KIRREL3: variants seen among roughly 807,000 people sequenced by gnomAD.
KIRREL3 encodes kin of IRRE-like protein 3.
Under a neutral mutation model 89.7 loss-of-function variants are expected in KIRREL3, and 36 were observed. The ratio of observed to expected loss-of-function variants is 0.40; its 90% CI spans 0.31 to 0.53. The LOEUF (loss-of-function observed/expected upper bound fraction) is 0.53. Among genes scored for constraint, KIRREL3 ranks in the 20% least tolerant of loss-of-function variants. The pLI is 0.49. For missense variants in KIRREL3, 864 were observed against 1,056.6 expected, an observed-to-expected ratio of 0.82 and a Z score of 2.53; for synonymous variants, 445 against 441.4, an observed-to-expected ratio of 1.01 and a Z score of -0.10.
At position 126,987,669 on chromosome 11, in the gene KIRREL3, G is replaced by A. The variant is rs56323646; in HGVS notation, c.55+12786C>T. Among the ~76,000 whole-genome samples, 2,391 of 152,240 alleles carry A rather than the reference G, an allele frequency of 0.016. 64 individuals carry two copies. Among genetic ancestry groups the A allele is most frequent in the African/African-American group, 0.055 (2,289 of 41,520 alleles). ...GCTGCCAAGGCTCTGTTGATATGAC[G>A]GCATGTCCCACTGAAGTAAAAAGAA... On this transcript the variant is annotated intron_variant, in intron 1 of 16. Coordinates refer to ENST00000525144, the MANE Select transcript of KIRREL3 (RefSeq NM_032531.4). The surrounding 1 kb of genome is among the most constrained non-coding windows in gnomAD (Gnocchi z 4.6).
In KIRREL3 at chr11:126,969,239, C is replaced by A. The variant is rs978954541; in HGVS notation, c.55+31216G>T. 1.3e-5 allele frequency among the ~76,000 whole-genome samples: 2 copies of A among 152,094 alleles called. No homozygotes were observed. The highest frequency in any genetic ancestry group is 4.8e-5 in the African/African-American group (2 of 41,416). ...GGGCGATTCACTCCATTTACTGACA[C>A]AATAGACATGGAGTGCCTCCCATGG... On this transcript the variant is annotated intron_variant, in intron 1 of 16. Transcript: ENST00000525144. The surrounding 1 kb of genome is among the most constrained non-coding windows in gnomAD (Gnocchi z 4.9).
At chr11:126,481,469 C>T (rs1301174352) in intron 4 of KIRREL3, among the ~76,000 whole-genome samples, 4 of 152,210 alleles carry the variant, frequency 2.6e-5, no homozygotes, top group Admixed American at 1.3e-4. Flanking sequence ...CAACTGTCCA[C>T]GGGCCTTCGA....
intron 1 of KIRREL3, among the ~76,000 whole-genome samples, chr11:126,667,331 T>A (rs191918858): frequency 9.8e-5 from 15 of 152,342 alleles, no homozygotes; most frequent in Admixed American, 9.8e-4. Context: ...ACATTTCTGA[T>A]CAAAACTGCT....
intron 1 of KIRREL3, among the ~76,000 whole-genome samples, chr11:126,813,653 A>G (rs1416533443): frequency 6.6e-6 from 1 of 152,138 alleles, no homozygotes; most frequent in African/African-American, 2.4e-5. Flanking sequence ...AGCACAGATA[A>G]TTGGTATTGA....
intron 1 of KIRREL3, among the ~76,000 whole-genome samples, chr11:126,603,663 G>C (rs1463246328): frequency 6.6e-6 from 1 of 152,268 alleles, no homozygotes; most frequent in Admixed American, 6.5e-5. Context: ...TGCTGCATCT[G>C]CTCTCTGGCA....
At position 126,620,855 on chromosome 11, in the gene KIRREL3, C is replaced by T. The variant is rs188739778; in HGVS notation, c.56-57943G>A. 6.6e-6 allele frequency among the ~76,000 whole-genome samples: 1 copy of T among 152,256 alleles called. No homozygotes were observed. Among genetic ancestry groups the T allele is most frequent in the African/African-American group, 2.4e-5 (1 of 41,536 alleles). ...CAGCAACTAGTGAGGAAGGCCGTAC[C>T]CCACTTGCTGGATGAGAACATACTG... On this transcript the variant is annotated intron_variant, in intron 1 of 16. Coordinates refer to ENST00000525144, the MANE Select transcript of KIRREL3 (RefSeq NM_032531.4). This position sits in a 1 kb window ranked among gnomAD's most constrained non-coding sequence, Gnocchi z 4.8.
At position 126,747,026 on chromosome 11, in the gene KIRREL3, G is replaced by T. The variant is rs1181825816; in HGVS notation, c.56-184114C>A. Among the ~76,000 whole-genome samples, 2 of 152,196 alleles carry T rather than the reference G, an allele frequency of 1.3e-5. No individual in the cohort carries two copies. The highest frequency in any genetic ancestry group is 2.9e-5 in the Non-Finnish European group (2 of 68,036). On this transcript the variant is annotated intron_variant, in intron 1 of 16. Coordinates refer to ENST00000525144, the MANE Select transcript of KIRREL3 (RefSeq NM_032531.4). This position sits in a 1 kb window ranked among gnomAD's most constrained non-coding sequence, Gnocchi z 4.7. ...AGGGTATATTCTGAAGCATAGACAT[G>T]CTTCTGCCATCTTGGCTTAAAAACC...
chr11:126,762,566 C>G (rs1426919536), intron 1 of KIRREL3, among the ~76,000 whole-genome samples: 2 of 152,196 alleles, frequency 1.3e-5, no homozygotes, highest in Non-Finnish European at 2.9e-5. Context: ...GAAGCCTTTC[C>G]CATCTGTTTC....
rs1815324186 is a variant in KIRREL3 at position 126,710,801 on chromosome 11, C to T, written c.56-147889G>A. 6.6e-6 allele frequency among the ~76,000 whole-genome samples: 1 copy of T among 152,350 alleles called. No homozygotes were observed. Among genetic ancestry groups the T allele is most frequent in the East Asian group, 1.9e-4 (1 of 5,186 alleles). On this transcript the variant is annotated intron_variant, in intron 1 of 16. Coordinates refer to ENST00000525144, the MANE Select transcript of KIRREL3 (RefSeq NM_032531.4). The surrounding 1 kb of genome is among the most constrained non-coding windows in gnomAD (Gnocchi z 4.2). ...CTGATTATTAAGAACAGATCTACTA[C>T]AGTTTGACAACTGCCACAAACACAA...
rs1256311710 is a variant in KIRREL3, at chr11:126,748,894, A to T, written c.56-185982T>A. ...TATTTACCAAGCAATTTGCAAGACC[A>T]AGTAATTCCTTCTCAGTTCATTGCC... is the stretch of plus-strand genomic sequence containing the variant. On this transcript the variant is annotated intron_variant, in intron 1 of 16. Transcript: ENST00000525144. The surrounding 1 kb of genome is among the most constrained non-coding windows in gnomAD (Gnocchi z 4.6). Among the ~76,000 whole-genome samples the T allele has an allele frequency of 3.9e-5, 6 of 152,174 alleles. No individual in the cohort carries two copies. The highest frequency in any genetic ancestry group is 1.4e-4 in the African/African-American group (6 of 41,430).
chr11:126,700,877 A>G (rs1947289540), intron 1 of KIRREL3, among the ~76,000 whole-genome samples: 1 of 152,218 alleles, frequency 6.6e-6, no homozygotes, highest in Admixed American at 6.5e-5. Context: ...TAATGAGCTC[A>G]GTTCCTTTAA....
rs546884222 is a variant in KIRREL3 at position 126,431,570 on chromosome 11, G to A, written c.1589-44C>T. 33 of 1,568,596 alleles carry A rather than the reference G, an allele frequency of 2.1e-5. No homozygotes were observed. The East Asian group carries it at 6.5e-4, about 31-fold the overall frequency. ...CACAGCTGATGACGGATGGGGAATG[G>A]CCTACTATCCCCCCATGATCTCACC... On this transcript the variant is annotated intron_variant, in intron 13 of 16. Transcript: ENST00000525144. This position sits in a 1 kb window ranked among gnomAD's most constrained non-coding sequence, Gnocchi z 7.1.
chr11:126,671,799 C>A (rs548342184), intron 1 of KIRREL3, among the ~76,000 whole-genome samples: 1 of 152,190 alleles, frequency 6.6e-6, no homozygotes, highest in African/African-American at 2.4e-5. Context: ...TATGGAGCAA[C>A]AGGAGCTCTC....
chr11:126,923,183 TCTTC>T (rs1947463729), intron 1 of KIRREL3, among the ~76,000 whole-genome samples: 1 of 28,558 alleles, frequency 3.5e-5, no homozygotes, highest in Non-Finnish European at 7.3e-5. Flanking sequence ...CTTCTCTTCT[TCTTC>T]TCTTCTTCTT....
intron 1 of KIRREL3, among the ~76,000 whole-genome samples, chr11:126,980,735 A>G (rs189081876): frequency 3.3e-4 from 50 of 152,330 alleles, no homozygotes; most frequent in Admixed American, 2.4e-3. Flanking sequence ...TGCTGGGAAT[A>G]TAGGATGCTC....
Position 126,576,267 on chromosome 11 carries a change from T to C in KIRREL3, c.56-13355A>G, listed in dbSNP as rs1941249559. Among the ~76,000 whole-genome samples, 2 of 152,230 alleles carry C rather than the reference T, an allele frequency of 1.3e-5. No individual in the cohort carries two copies. The highest frequency in any genetic ancestry group is 4.8e-5 in the African/African-American group (2 of 41,454). On this transcript the variant is annotated intron_variant, in intron 1 of 16. Coordinates refer to ENST00000525144, the MANE Select transcript of KIRREL3 (RefSeq NM_032531.4). The surrounding 1 kb of genome is among the most constrained non-coding windows in gnomAD (Gnocchi z 5.4). ...TCATTTGTCCTTCCTTTTACAGAACTATAAGTCAGCCTCAGGTATGGGTCA... is the reference window on the plus strand; with the variant it reads ...TCATTTGTCCTTCCTTTTACAGAACCATAAGTCAGCCTCAGGTATGGGTCA...
At position 126,683,974 on chromosome 11, in the gene KIRREL3, G is replaced by A. The variant is rs1487663297; in HGVS notation, c.56-121062C>T. Among the ~76,000 whole-genome samples, 2 of 152,230 alleles carry A rather than the reference G, an allele frequency of 1.3e-5. No individual in the cohort carries two copies. The highest frequency in any genetic ancestry group is 2.9e-5 in the Non-Finnish European group (2 of 68,038). On this transcript the variant is annotated intron_variant, in intron 1 of 16. Transcript: ENST00000525144. The surrounding 1 kb of genome is among the most constrained non-coding windows in gnomAD (Gnocchi z 5.2). ...TCAGAGGTCCCTTACAGGGTGGTGG[G>A]ACCCAGGGCCCAGGGTTTGGCTCCG...
chr11:126,911,648 G>C (rs1294069745), intron 1 of KIRREL3, among the ~76,000 whole-genome samples: 1 of 152,156 alleles, frequency 6.6e-6, no homozygotes, highest in African/African-American at 2.4e-5. Flanking sequence ...CAGTCAGGAA[G>C]GACTTTCCTC....
intron 1 of KIRREL3, among the ~76,000 whole-genome samples, chr11:126,929,940 G>A (rs1383472579): frequency 1.0e-4 from 8 of 78,198 alleles, no homozygotes; most frequent in Non-Finnish European, 1.5e-4. Context: ...GAGGGCTGTG[G>A]GGGAGCCACC....
Sources: allele counts gnomAD v4.1 joint callset (sites outside exome capture counted in the v4.1 genomes callset), GRCh38; gene constraint gnomAD v4.1.1; non-coding constraint Gnocchi (gnomAD v3.1); transcripts MANE v1.5; gene names NCBI Gene and HGNC (gene_info 2026-07-23, HGNC 2026-07-21).